The following IFT56 variants were observed in gnomAD, a reference collection of about 807,000 sequenced individuals.
IFT56 encodes the protein intraflagellar transport 56.
chr7:139,143,819 G>A, the IFT56 span, among the ~76,000 whole-genome samples: 1 of 151,502 alleles, frequency 6.6e-6, no homozygotes, highest in Non-Finnish European at 1.5e-5. Context: ...ATTTATCCTC[G>A]ATTTGCTTGC....
the IFT56 span, among the ~76,000 whole-genome samples, chr7:139,177,171 C>CAA: frequency 7.4e-4 from 70 of 93,962 alleles, no homozygotes; most frequent in African/African-American, 2.1e-3. Flanking sequence ...GACTCCGTCT[C>CAA]AAAAAAAAAA....
At chr7:139,160,266 G>C in the IFT56 span, among the ~76,000 whole-genome samples, 2 of 151,918 alleles carry the variant, frequency 1.3e-5, no homozygotes, top group African/African-American at 4.8e-5. Flanking sequence ...GAAGAAAGGA[G>C]GATTTATTAA....
chr7:139,155,415 C>T, the IFT56 span, among the ~76,000 whole-genome samples: 2 of 152,112 alleles, frequency 1.3e-5, no homozygotes, highest in Admixed American at 1.3e-4. Context: ...TCCAGTATTT[C>T]ACTGTTAAGA....
chr7:139,147,885 C>T, the IFT56 span, among the ~76,000 whole-genome samples: 1 of 152,154 alleles, frequency 6.6e-6, no homozygotes, highest in African/African-American at 2.4e-5. Context: ...CATTTCCAGC[C>T]ATCAAGCCTA....
At chr7:139,172,645 C>T in the IFT56 span, 3 of 608,300 alleles carry the variant, frequency 4.9e-6, no homozygotes, top group Non-Finnish European at 9.7e-6. Context: ...TCAACAAAGC[C>T]TTCAGATTTT....
chr7:139,181,557 T>A, the IFT56 span, among the ~76,000 whole-genome samples: 2 of 152,296 alleles, frequency 1.3e-5, no homozygotes, highest in East Asian at 3.9e-4. Flanking sequence ...TCATCAACAT[T>A]TAAGTACAGT....
the IFT56 span, chr7:139,189,329 T>C: frequency 6.2e-7 from 1 of 1,607,746 alleles, no homozygotes; most frequent in Non-Finnish European, 8.5e-7. Context: ...AGAGAGACCC[T>C]TCGAGAAGTG....
chr7:139,151,613 G>T, the IFT56 span, among the ~76,000 whole-genome samples: 1 of 152,204 alleles, frequency 6.6e-6, no homozygotes, highest in Non-Finnish European at 1.5e-5. Context: ...GTAGGTTCTT[G>T]TGAAGATTAA....
At chr7:139,179,677 A>T in the IFT56 span, 4 of 1,531,794 alleles carry the variant, frequency 2.6e-6, no homozygotes, top group Non-Finnish European at 2.7e-6. Flanking sequence ...TACAAGAAGA[A>T]TCCTCTTTTT....
chr7:139,148,337 C>T, the IFT56 span: 1 of 1,613,508 alleles, frequency 6.2e-7, no homozygotes, highest in Non-Finnish European at 8.5e-7. Flanking sequence ...AATCTTAAAG[C>T]CTGTAACCAT....
chr7:139,157,163 T>TG, the IFT56 span, among the ~76,000 whole-genome samples: 1 of 126,920 alleles, frequency 7.9e-6, no homozygotes, highest in African/African-American at 3.7e-5. Context: ...TTTTTTTTTT[T>TG]GAGACGAAGT....
At chr7:139,173,728 A>G in the IFT56 span, 18 of 769,132 alleles carry the variant, frequency 2.3e-5, no homozygotes, top group South Asian at 2.2e-4. Flanking sequence ...AAAAGGCTGC[A>G]TTGAGAGCAA....
At chr7:139,173,444 G>A in the IFT56 span, 1 of 575,140 alleles carries the variant, frequency 1.7e-6, no homozygotes, top group Non-Finnish European at 3.1e-6. Context: ...GGCCAGGCTG[G>A]TCTCCAACTC....
the IFT56 span, chr7:139,140,085 T>C: frequency 1.1e-6 from 1 of 933,582 alleles, no homozygotes. Flanking sequence ...TTGTATTCCT[T>C]TTTCTCTTGA....
chr7:139,177,291 C>G, the IFT56 span, among the ~76,000 whole-genome samples: 1 of 150,020 alleles, frequency 6.7e-6, no homozygotes, highest in Non-Finnish European at 1.5e-5. Flanking sequence ...TGTTCTGATC[C>G]TTACCCAACT....
chr7:139,161,348 A>T, the IFT56 span: 1 of 238,572 alleles, frequency 4.2e-6, no homozygotes, highest in South Asian at 1.1e-4. Flanking sequence ...TCTTTGAAGG[A>T]TGGCTGAGAT....
At chr7:139,182,133 G>C in the IFT56 span, among the ~76,000 whole-genome samples, 1 of 152,006 alleles carries the variant, frequency 6.6e-6, no homozygotes, top group Non-Finnish European at 1.5e-5. Flanking sequence ...CTGGGAGGAG[G>C]TAGTAGTTTG....
chr7:139,164,746 T>C, the IFT56 span, among the ~76,000 whole-genome samples: 143 of 152,098 alleles, frequency 9.4e-4, 1 homozygote, highest in Non-Finnish European at 1.7e-3. Flanking sequence ...TTCTGGTGGA[T>C]GTAACAGATA....
chr7:139,147,097 A>G, the IFT56 span: 1 of 1,606,366 alleles, frequency 6.2e-7, no homozygotes, highest in Non-Finnish European at 8.5e-7. Flanking sequence ...TTTCTCTAAC[A>G]ACACTAATAT....
Sources: gnomAD v4.1 joint callset for allele counts (sites outside exome capture counted in the v4.1 genomes callset) on GRCh38, gnomAD v4.1.1 for gene constraint, MANE v1.5 for transcripts, NCBI Gene and HGNC (gene_info 2026-07-23, HGNC 2026-07-21) for gene names.